The following CDKAL1 variants were observed in gnomAD, a reference collection of about 807,000 sequenced individuals.
CDKAL1 encodes the protein CDKAL1 threonylcarbamoyladenosine tRNA methylthiotransferase.
CDKAL1 carries 32 observed loss-of-function variants against 68.2 expected under a neutral mutation model. The observed-to-expected ratio is 0.47, with a 90% CI of 0.35 to 0.63. The LOEUF (loss-of-function observed/expected upper bound fraction) is 0.63. Among genes scored for constraint, CDKAL1 ranks in the 30% least tolerant of loss-of-function variants. The pLI is 0.00. For synonymous variants in CDKAL1, 234 were observed against 244.3 expected, an observed-to-expected ratio of 0.96 and a Z score of 0.39; for missense variants, 606 against 696.7, an observed-to-expected ratio of 0.87 and a Z score of 1.47.
chr6:20,972,063 T>A (rs1257969342), intron 10 of CDKAL1, among the ~76,000 whole-genome samples: 1 of 152,230 alleles, frequency 6.6e-6, no homozygotes, highest in Non-Finnish European at 1.5e-5. Flanking sequence ...GTTTCTGTAG[T>A]GAGCCTAGAG....
intron 6 of CDKAL1, chr6:20,756,769 C>T (rs1774190078): frequency 6.6e-6 from 1 of 151,998 alleles, no homozygotes; most frequent in Non-Finnish European, 1.5e-5. Context: ...CTGTAAGATA[C>T]TGAGACCAAA....
intron 12 of CDKAL1, among the ~76,000 whole-genome samples, chr6:21,075,302 A>G (rs1772011236): frequency 6.6e-6 from 1 of 152,164 alleles, no homozygotes. Context: ...ACTTTTACAT[A>G]AATATTAGCA....
intron 11 of CDKAL1, among the ~76,000 whole-genome samples, chr6:21,029,275 T>G (rs2150874351): frequency 6.6e-6 from 1 of 152,240 alleles, no homozygotes; most frequent in African/African-American, 2.4e-5. Context: ...TAGCCTGGTC[T>G]CAAACTCCTC....
At chr6:21,078,490 G>A (rs1325398719) in intron 12 of CDKAL1, among the ~76,000 whole-genome samples, 1 of 152,130 alleles carries the variant, frequency 6.6e-6, no homozygotes, top group Non-Finnish European at 1.5e-5. Context: ...TCTGCCGTTA[G>A]AACTGTTATT....
chr6:20,740,287 A>G (rs1773391048), intron 6 of CDKAL1, among the ~76,000 whole-genome samples: 1 of 152,156 alleles, frequency 6.6e-6, no homozygotes, highest in African/African-American at 2.4e-5. Flanking sequence ...TTGCCTGAAA[A>G]AAATCTTCCC....
chr6:20,730,073 A>T lies in CDKAL1; in HGVS notation c.372-9446A>T, dbSNP rs955406477. Among the ~76,000 whole-genome samples, 5 of 152,212 alleles carry T rather than the reference A, an allele frequency of 3.3e-5. No homozygotes were observed. The South Asian group carries it at 8.3e-4, about 25-fold the overall frequency. On this transcript the variant is annotated intron_variant, in intron 5 of 15. Coordinates refer to ENST00000274695, the MANE Select transcript of CDKAL1 (RefSeq NM_017774.3). The stretch of plus-strand genomic sequence containing the variant: ...AGTGGCTCATGCCTGTAATCCCAGC[A>T]CTTTGGGATGCCGAGATGGACAGAT...
chr6:20,553,974 C>T (rs1210252374), intron 4 of CDKAL1, among the ~76,000 whole-genome samples: 1 of 150,964 alleles, frequency 6.6e-6, no homozygotes, highest in Non-Finnish European at 1.5e-5. Context: ...TGTGCGGTAC[C>T]ATGCCTGACT....
chr6:20,610,489 G>GT (rs200475489), intron 4 of CDKAL1, among the ~76,000 whole-genome samples: 9,215 of 142,540 alleles, frequency 0.065, 360 homozygotes, highest in African/African-American at 0.12. Flanking sequence ...TGTGGAAAAC[G>GT]TTTTTTTTTC....
intron 8 of CDKAL1, among the ~76,000 whole-genome samples, chr6:20,829,437 A>G (rs1440929387): frequency 2.0e-5 from 3 of 152,202 alleles, no homozygotes; most frequent in Non-Finnish European, 2.9e-5. Flanking sequence ...CGATTCCTAT[A>G]TACTCAATAC....
At chr6:20,626,900 A>C (rs1411782826) in intron 4 of CDKAL1, among the ~76,000 whole-genome samples, 2 of 152,134 alleles carry the variant, frequency 1.3e-5, no homozygotes, top group Non-Finnish European at 2.9e-5. Context: ...TTATGGCCAG[A>C]CTGTTTCACA....
intron 8 of CDKAL1, among the ~76,000 whole-genome samples, chr6:20,801,846 T>C (rs1446412010): frequency 1.3e-5 from 2 of 152,220 alleles, no homozygotes; most frequent in African/African-American, 4.8e-5. Flanking sequence ...TTTGTCCCTA[T>C]AGTGATGGAA....
chr6:20,755,240 G>A (rs546898550), intron 6 of CDKAL1, among the ~76,000 whole-genome samples: 2 of 152,250 alleles, frequency 1.3e-5, no homozygotes, highest in South Asian at 4.2e-4. Context: ...CAATCTGAGT[G>A]TCTGGATATA....
At position 21,231,167 on chromosome 6, in the gene CDKAL1, C is replaced by A; in HGVS notation, c.*128C>A. 1.5e-6 allele frequency: 1 copy of A among 649,000 alleles called. No individual in the cohort carries two copies. The highest frequency in any genetic ancestry group is 2.5e-6 in the Non-Finnish European group (1 of 408,160). 40.2% of individuals were successfully genotyped at this position (649,000 alleles called of 1,614,324 possible). ...ACTGGTCATGCTGCCTCCTTCTCAG[C>A]CACTCTTCTTAATGAGGCTCCCCCT... On this transcript the variant is annotated 3_prime_UTR_variant, in exon 16 of 16. Transcript: ENST00000274695.
At chr6:20,694,378 A>G (rs1017478298) in intron 5 of CDKAL1, among the ~76,000 whole-genome samples, 3 of 151,870 alleles carry the variant, frequency 2.0e-5, no homozygotes, top group Non-Finnish European at 4.4e-5. Context: ...ACAGTGTTCT[A>G]CTCTGGATCT....
chr6:20,820,046 C>T (rs185699065), intron 8 of CDKAL1, among the ~76,000 whole-genome samples: 139 of 152,188 alleles, frequency 9.1e-4, no homozygotes, highest in Admixed American at 3.0e-3. Context: ...GCTGAAGTCT[C>T]GTGTGTAACC....
chr6:20,591,258 TTG>T (rs1651856976), intron 4 of CDKAL1, among the ~76,000 whole-genome samples: 1 of 152,220 alleles, frequency 6.6e-6, no homozygotes, highest in African/African-American at 2.4e-5. Context: ...TATTAGCCCT[TTG>T]TTAAATGGAT....
intron 5 of CDKAL1, among the ~76,000 whole-genome samples, chr6:20,670,712 G>A (rs752462945): frequency 4.6e-5 from 7 of 152,090 alleles, no homozygotes; most frequent in African/African-American, 9.7e-5. Context: ...TAATGTCATA[G>A]AATAAATATA....
At chr6:21,167,925 A>G (rs555694077) in intron 13 of CDKAL1, among the ~76,000 whole-genome samples, 4 of 152,284 alleles carry the variant, frequency 2.6e-5, no homozygotes, top group South Asian at 4.1e-4. Context: ...AAACTATTGC[A>G]AGCTGATAAG....
At chr6:20,706,780 A>G (rs112168615) in intron 5 of CDKAL1, among the ~76,000 whole-genome samples, 1,585 of 152,288 alleles carry the variant, frequency 0.01, 20 homozygotes, top group African/African-American at 0.036. Flanking sequence ...TTACTTGTAT[A>G]AAGTACTTGG....
Sources: allele counts gnomAD v4.1 joint callset (sites outside exome capture counted in the v4.1 genomes callset), GRCh38; gene constraint gnomAD v4.1.1; transcripts MANE v1.5; gene names NCBI Gene and HGNC (gene_info 2026-07-23, HGNC 2026-07-21).